The following TBC1D19 variants were observed in gnomAD, a reference collection of about 807,000 sequenced individuals.
The protein encoded by TBC1D19 is TBC1 domain family member 19, also known as TBC1 domain family, member 19.
TBC1D19 carries 60 observed loss-of-function variants against 89.0 expected under a neutral mutation model. The observed-to-expected ratio is 0.67, with a 90% CI of 0.55 to 0.84. The LOEUF is 0.84. Ranked by LOEUF, TBC1D19 falls within the 40% of genes least tolerant of loss-of-function variation. The pLI, the probability that TBC1D19 is intolerant of heterozygous loss-of-function variation, is 0.00. For missense variants in TBC1D19, 500 were observed against 610.8 expected (o/e 0.82, Z 1.91); for synonymous variants, 189 against 199.7 (o/e 0.95, Z 0.45).
chr4:26,805,248 C>G, the TBC1D19 span, among the ~76,000 whole-genome samples: 1 of 152,222 alleles, frequency 6.6e-6, no homozygotes, highest in Non-Finnish European at 1.5e-5. Context: ...TCTGTTGAAA[C>G]TACGGATTCC....
chr4:26,681,550 CA>C (rs907703555), intron 11 of TBC1D19, among the ~76,000 whole-genome samples: 1 of 150,826 alleles, frequency 6.6e-6, no homozygotes, highest in Non-Finnish European at 1.5e-5. Flanking sequence ...GACGCCGTCT[CA>C]AAAAAAATAT....
At chr4:26,594,026 A>G (rs572977509) in intron 1 of TBC1D19, among the ~76,000 whole-genome samples, 1 of 152,344 alleles carries the variant, frequency 6.6e-6, no homozygotes, top group Admixed American at 6.5e-5. Flanking sequence ...TGCTGCTATA[A>G]AGACACATGC....
chr4:26,817,975 A>ACATATAT, the TBC1D19 span, among the ~76,000 whole-genome samples: 22 of 105,192 alleles, frequency 2.1e-4, no homozygotes, highest in African/African-American at 7.1e-4. Context: ...ATTTAAAAAA[A>ACATATAT]AAAAAAATAT....
At chr4:26,817,969 A>T in the TBC1D19 span, among the ~76,000 whole-genome samples, 28 of 70,064 alleles carry the variant, frequency 4.0e-4, no homozygotes, top group Admixed American at 2.5e-3. Context: ...AACTCCATTT[A>T]AAAAAAAAAA....
chr4:26,633,597 A>G (rs1259816423), intron 4 of TBC1D19, among the ~76,000 whole-genome samples: 1 of 152,128 alleles, frequency 6.6e-6, no homozygotes, highest in Non-Finnish European at 1.5e-5. Flanking sequence ...AGATAACGGC[A>G]GTCCTGTTCC....
At chr4:26,616,017 T>C (rs1257444549) in intron 3 of TBC1D19, among the ~76,000 whole-genome samples, 2 of 152,134 alleles carry the variant, frequency 1.3e-5, no homozygotes, top group Non-Finnish European at 2.9e-5. Context: ...TTCTGTACAA[T>C]AGAACTTTAA....
chr4:26,608,986 G>C (rs945831790), intron 1 of TBC1D19, among the ~76,000 whole-genome samples: 1 of 141,016 alleles, frequency 7.1e-6, no homozygotes, highest in African/African-American at 2.6e-5. Context: ...TCACTCATAG[G>C]TGGGAATTGA....
At chr4:26,761,694 T>C in the TBC1D19 span, among the ~76,000 whole-genome samples, 1 of 152,202 alleles carries the variant, frequency 6.6e-6, no homozygotes, top group African/African-American at 2.4e-5. Flanking sequence ...TCTTTTCTTA[T>C]GCACTGACTA....
intron 9 of TBC1D19, among the ~76,000 whole-genome samples, chr4:26,671,172 A>G (rs1391810343): frequency 1.3e-5 from 2 of 151,804 alleles, no homozygotes; most frequent in Non-Finnish European, 3.0e-5. Context: ...GCTTTGTATG[A>G]GAAATTCATT....
At chr4:26,751,478 C>T (rs1718957387) in intron 19 of TBC1D19, among the ~76,000 whole-genome samples, 1 of 152,158 alleles carries the variant, frequency 6.6e-6, no homozygotes, top group African/African-American at 2.4e-5. Flanking sequence ...AATTGTTGGT[C>T]TACAGAAATA....
intron 3 of TBC1D19, among the ~76,000 whole-genome samples, chr4:26,618,506 G>A (rs1741835853): frequency 6.6e-6 from 1 of 152,172 alleles, no homozygotes. Flanking sequence ...AGGGATCATG[G>A]CTAAGGACGA....
chr4:26,656,563 C>A (rs1744825510), intron 7 of TBC1D19, among the ~76,000 whole-genome samples: 1 of 143,186 alleles, frequency 7.0e-6, no homozygotes, highest in African/African-American at 2.5e-5. Flanking sequence ...CTTTTATCTG[C>A]TTTTTTTTTT....
At chr4:26,640,304 A>C (rs1284007486) in intron 7 of TBC1D19, 117 bp downstream of exon 7, 8 of 770,922 alleles carry the variant, frequency 1.0e-5, no homozygotes, top group Non-Finnish European at 1.7e-5. Context: ...GAGTCACTGA[A>C]GCAGTAGAAT....
At chr4:26,668,327 A>G (rs1256846273) in intron 9 of TBC1D19, among the ~76,000 whole-genome samples, 1 of 152,030 alleles carries the variant, frequency 6.6e-6, no homozygotes, top group Non-Finnish European at 1.5e-5. Flanking sequence ...CATAGTATCT[A>G]TGCTTTAGAA....
chr4:26,821,890 G>A, the TBC1D19 span, among the ~76,000 whole-genome samples: 7 of 152,232 alleles, frequency 4.6e-5, no homozygotes, highest in African/African-American at 1.7e-4. Flanking sequence ...CCACCTGCAT[G>A]CTCTCCTGAG....
intron 16 of TBC1D19, among the ~76,000 whole-genome samples, chr4:26,737,821 C>T (rs1291012405): frequency 6.6e-6 from 1 of 151,956 alleles, no homozygotes; most frequent in East Asian, 1.9e-4. Context: ...CTCTTTTAAA[C>T]ATTGATACAG....
chr4:26,660,091 C>T (rs903039931), intron 8 of TBC1D19, among the ~76,000 whole-genome samples: 1 of 152,028 alleles, frequency 6.6e-6, no homozygotes, highest in Non-Finnish European at 1.5e-5. Flanking sequence ...GAGCTTGTAA[C>T]AAGATGAGGC....
intron 12 of TBC1D19, among the ~76,000 whole-genome samples, chr4:26,685,385 A>G (rs1464288943): frequency 6.6e-6 from 1 of 152,164 alleles, no homozygotes; most frequent in Non-Finnish European, 1.5e-5. Context: ...GCTGTTGGTT[A>G]TAATTCTCCT....
At position 26,596,455 on chromosome 4, in the gene TBC1D19, CGTGTGT is replaced by C. The variant is rs35226421; in HGVS notation, c.99+12191_99+12196del. ...GTTACCATTTCTGATAATGGTAACT[CGTGTGT>C]GTGTGTGTGTGTGTGTGTGTGTGTG... On this transcript the variant is annotated intron_variant, in intron 1 of 20. Coordinates refer to ENST00000264866, the MANE Select transcript of TBC1D19 (RefSeq NM_018317.4). 1.7e-3 allele frequency among the ~76,000 whole-genome samples: 253 copies of C among 145,092 alleles called. 4 individuals carry two copies. The South Asian group carries it at 0.019, about 11-fold the overall frequency.
Sources: allele counts gnomAD v4.1 joint callset (sites outside exome capture counted in the v4.1 genomes callset), GRCh38; gene constraint gnomAD v4.1.1; transcripts MANE v1.5; gene names NCBI Gene and HGNC (gene_info 2026-07-23, HGNC 2026-07-21).